ATG4A: variants seen among roughly 807,000 people sequenced by gnomAD.
ATG4A encodes the protein cysteine protease ATG4A.
Under a neutral mutation model 38.4 loss-of-function variants are expected in ATG4A, and 22 were observed. The ratio of observed to expected loss-of-function variants is 0.57; its 90% CI spans 0.41 to 0.82. The LOEUF (loss-of-function observed/expected upper bound fraction) is 0.82. Among genes scored for constraint, ATG4A ranks in the 40% least tolerant of loss-of-function variants. The pLI, the probability that ATG4A is intolerant of heterozygous loss-of-function variation, is 0.00. For missense variants in ATG4A, 220 were observed against 290.0 expected (o/e 0.76, Z 1.75); for synonymous variants, 86 against 100.7 (o/e 0.85, Z 0.88).
At chrX:108,132,412 G>A (rs762380635) in intron 4 of ATG4A, among the ~76,000 whole-genome samples, 5 of 111,749 alleles carry the variant, frequency 4.5e-5, no homozygotes. Flanking sequence ...TAGAAACATC[G>A]TTTTCCTTTT....
rs776162554 is a variant in ATG4A at position 108,128,762 on chromosome X, A to G, written c.122-19A>G. On this transcript the variant is annotated intron_variant, in intron 2 of 12. Transcript: ENST00000372232. ...TTTTAGATATGGTGATTTAATTTTA[A>G]TTTTACATTTAATTACAGAAAAATC... 1.3e-5 allele frequency: 14 copies of G among 1,109,131 alleles called. No individual in the cohort carries two copies. Among genetic ancestry groups the G allele is most frequent in the Non-Finnish European group, 1.7e-5 (14 of 823,939 alleles). The allele number at this position is 1,109,131 out of a possible 1,213,427, so 91.4% of individuals were successfully genotyped here. A position where few individuals can be genotyped will look rare whatever the true frequency, so the allele number is the denominator to read the frequency against.
At chrX:108,146,971 T>A (rs1363366044) in intron 9 of ATG4A, among the ~76,000 whole-genome samples, 1 of 112,042 alleles carries the variant, frequency 8.9e-6, no homozygotes, top group Non-Finnish European at 1.9e-5. Context: ...TCCCACACCC[T>A]TAATATCCGT....
intron 1 of ATG4A, among the ~76,000 whole-genome samples, chrX:108,097,657 C>T (rs1312035276): frequency 8.9e-6 from 1 of 111,957 alleles, no homozygotes; most frequent in African/African-American, 3.3e-5. Flanking sequence ...AAATATTTTA[C>T]CCAATGCAAA....
At chrX:108,130,151 C>T (rs747607432) in intron 3 of ATG4A, among the ~76,000 whole-genome samples, 115 of 111,239 alleles carry the variant, frequency 1.0e-3, no homozygotes, top group African/African-American at 3.6e-3. Context: ...CATAAATTGG[C>T]TCCCTCCTTC....
chrX:108,148,018 AAAATATATATATATATATATATAT>A, intron 9 of ATG4A, among the ~76,000 whole-genome samples: 1 of 66,151 alleles, frequency 1.5e-5, no homozygotes, highest in East Asian at 5.4e-4. Flanking sequence ...GAACTAATGG[AAAATATATATATATATATATATAT>A]ATATATATAT....
chrX:108,138,536 A>G (rs773550789), intron 9 of ATG4A, among the ~76,000 whole-genome samples: 3 of 112,262 alleles, frequency 2.7e-5, no homozygotes, highest in Non-Finnish European at 3.8e-5. Flanking sequence ...GGCTTTGCCA[A>G]TATCTCTCTT....
intron 1 of ATG4A, among the ~76,000 whole-genome samples, chrX:108,124,627 T>C (rs1202281193): frequency 1.8e-5 from 2 of 110,654 alleles, no homozygotes; most frequent in Non-Finnish European, 3.8e-5. Context: ...AATTTTTGTA[T>C]TTTTAGTAGA....
At chrX:108,092,694 A>G (rs1291069087) in intron 1 of ATG4A, among the ~76,000 whole-genome samples, 1 of 112,359 alleles carries the variant, frequency 8.9e-6, no homozygotes, top group African/African-American at 3.3e-5. Flanking sequence ...TATTGATGAA[A>G]TTCAAAATAT....
chrX:108,089,418 T>C (rs768749462), upstream of ATG4A, among the ~76,000 whole-genome samples: 16 of 112,149 alleles, frequency 1.4e-4, no homozygotes, highest in Admixed American at 3.8e-4. Context: ...ATGAATCTAA[T>C]GGGGGAAGAA....
At chrX:108,140,639 G>C (rs950198493) in intron 9 of ATG4A, among the ~76,000 whole-genome samples, 1 of 97,636 alleles carries the variant, frequency 1.0e-5, no homozygotes, top group Non-Finnish European at 2.0e-5. Context: ...TTACATATAC[G>C]TACATATACA....
chrX:108,141,071 CATATATATATATATATAT>C (rs139918190), intron 9 of ATG4A, among the ~76,000 whole-genome samples: 13 of 35,051 alleles, frequency 3.7e-4, no homozygotes, highest in Admixed American at 2.2e-3. Flanking sequence ...TATATATATA[CATATATATATATATATAT>C]ATATATATAT....
At position 108,148,020 on chromosome X, in the gene ATG4A, AATATATATATATATAT is replaced by A. The variant is rs60886281; in HGVS notation, c.815-2091_815-2076del. ...CTCTAGAGGGACAGAACTAATGGAAAATATATATATATATATATATATATATATATATATATATATA... is the reference window on the plus strand; with the variant it reads ...CTCTAGAGGGACAGAACTAATGGAAAATATATATATATATATATATATATA... On this transcript the variant is annotated intron_variant, in intron 9 of 12. Transcript: ENST00000372232. Among the ~76,000 whole-genome samples, 212 of 80,089 alleles carry A rather than the reference AATATATATATATATAT, an allele frequency of 2.6e-3. 2 individuals carry two copies. Among genetic ancestry groups the A allele is most frequent in the African/African-American group, 8.3e-3 (171 of 20,539 alleles). 69.5% of individuals were successfully genotyped at this position (80,089 alleles called of 115,157 possible).
chrX:108,106,089 T>C (rs986270875), intron 1 of ATG4A, among the ~76,000 whole-genome samples: 2 of 111,895 alleles, frequency 1.8e-5, no homozygotes, highest in African/African-American at 6.5e-5. Context: ...ATCTTGCTCC[T>C]ATGTCACATA....
At chrX:108,091,647 T>C (rs780729768), upstream of ATG4A, 1,334 of 923,448 alleles carry the variant, frequency 1.4e-3, 2 homozygotes, top group Non-Finnish European at 1.8e-3. Context: ...CCTTTTCTTT[T>C]CCCGTCGCGC....
chrX:108,101,622 T>G (rs1021110143), intron 1 of ATG4A, among the ~76,000 whole-genome samples: 2 of 109,093 alleles, frequency 1.8e-5, no homozygotes, highest in African/African-American at 6.7e-5. Context: ...TAACAAACTT[T>G]AAAGTGTACA....
At chrX:108,142,236 G>T (rs183815385) in intron 9 of ATG4A, among the ~76,000 whole-genome samples, 76 of 110,587 alleles carry the variant, frequency 6.9e-4, no homozygotes, top group African/African-American at 2.2e-3. Flanking sequence ...GTGAAATGCC[G>T]TCTATACCAA....
rs2031884447 is a variant in ATG4A, at chrX:108,098,031, A to G, written c.10+6195A>G. 5.4e-5 allele frequency among the ~76,000 whole-genome samples: 6 copies of G among 111,879 alleles called. No homozygotes were observed. In the Admixed American group the frequency reaches 5.7e-4, roughly 11 times the overall value. ...CAACGTGCAGGTTTGTTACATAGGTATACATGTGCCATGTGGGTTTGCTGC... is the reference window on the plus strand; with the variant it reads ...CAACGTGCAGGTTTGTTACATAGGTGTACATGTGCCATGTGGGTTTGCTGC... On this transcript the variant is annotated intron_variant, in intron 1 of 12. Transcript: ENST00000372232.
At chrX:108,092,045 G>A (rs1242287506) in intron 1 of ATG4A, among the ~76,000 whole-genome samples, 2 of 111,048 alleles carry the variant, frequency 1.8e-5, no homozygotes, top group Non-Finnish European at 3.8e-5. Flanking sequence ...AGCTCGAACC[G>A]GTGACTGTGG....
rs1244171569 is a variant in ATG4A, at chrX:108,137,807, A to T, written c.551A>T (p.Lys184Ile). 7.8e-6 allele frequency: 9 copies of T among 1,151,590 alleles called. No individual in the cohort carries two copies. The Admixed American group carries it at 2.6e-4, about 33-fold the overall frequency. 94.9% of individuals were successfully genotyped at this position (1,151,590 alleles called of 1,213,427 possible). The change falls in exon 8 of 13, where the codon AAA becomes ATA. Residue 184 changes from lysine to isoleucine, a missense_variant. This residue lies in a region of ATG4A where 159 missense variants were observed against 188.9 expected (regional missense o/e 0.84). Coordinates refer to ENST00000372232, the MANE Select transcript of ATG4A (RefSeq NM_052936.5). ...TATTCTGTTCTTCCATTTCTAGAAA[A>T]AATGTGCCGTGTCCTTCCCTTGAGT... is the stretch of plus-strand genomic sequence containing the variant. ...DNTVVIEDIK[K>I]MCRVLPLSAD...
Sources: allele counts gnomAD v4.1 joint callset (sites outside exome capture counted in the v4.1 genomes callset), GRCh38; gene constraint gnomAD v4.1.1; regional missense constraint gnomAD v4.1.1; transcripts MANE v1.5; gene names NCBI Gene and HGNC (gene_info 2026-07-23, HGNC 2026-07-21).